DMXL1: variants seen among roughly 807,000 people sequenced by gnomAD.
DMXL1 encodes the protein dmX-like protein 1.
Under a neutral mutation model 319.2 loss-of-function variants are expected in DMXL1, and 99 were observed. That is an observed-to-expected ratio of 0.31 (90% CI 0.26 to 0.37). The LOEUF is 0.37. Among genes scored for constraint, DMXL1 ranks in the 10% least tolerant of loss-of-function variants. The pLI, the probability that DMXL1 is intolerant of heterozygous loss-of-function variation, is 1.00. For synonymous variants in DMXL1, 1,385 were observed against 1,235.2 expected (o/e 1.12, Z -2.54); for missense variants, 3,745 against 3,595.6 (o/e 1.04, Z -1.06).
At position 119,133,065 on chromosome 5, in the gene DMXL1, G is replaced by C. The variant is rs1052936337; in HGVS notation, c.1316-67G>C. 1.9e-6 allele frequency: 3 copies of C among 1,555,394 alleles called. No individual in the cohort carries two copies. The African/African-American group carries it at 4.1e-5, about 21-fold the overall frequency. ...CATGTGTTCAGCTATCCAGAAGCTC[G>C]GTAATTCTTAATTTATAGTAATAAC... On this transcript the variant is annotated intron_variant, in intron 10 of 43. Coordinates refer to ENST00000539542, the MANE Select transcript of DMXL1 (RefSeq NM_001290321.3).
At chr5:119,232,518 G>C in intron 38 of DMXL1, among the ~76,000 whole-genome samples, 1 of 152,036 alleles carries the variant, frequency 6.6e-6, no homozygotes, top group East Asian at 1.9e-4. Flanking sequence ...CCTTATATAT[G>C]TGATCTCATT....
chr5:119,166,244 C>T (rs1348257964), intron 21 of DMXL1, among the ~76,000 whole-genome samples: 1 of 152,146 alleles, frequency 6.6e-6, no homozygotes, highest in African/African-American at 2.4e-5. Context: ...TGATTCAAGG[C>T]ACATTCTTTA....
chr5:119,108,873 C>T (rs1172166041), intron 4 of DMXL1, among the ~76,000 whole-genome samples: 1 of 151,974 alleles, frequency 6.6e-6, no homozygotes, highest in East Asian at 1.9e-4. Context: ...GTGATCTCAA[C>T]TCACTGCAAC....
chr5:119,218,646 G>C (rs984737889), intron 35 of DMXL1, among the ~76,000 whole-genome samples: 1 of 151,828 alleles, frequency 6.6e-6, no homozygotes. Context: ...TAGTAGAGAC[G>C]GCGTTTCACC....
At chr5:119,231,358 A>G (rs1256187660) in intron 38 of DMXL1, among the ~76,000 whole-genome samples, 13 of 152,172 alleles carry the variant, frequency 8.5e-5, no homozygotes, top group Non-Finnish European at 2.9e-5. Context: ...CCAAAATCTT[A>G]TCTACCTGAG....
intron 1 of DMXL1, among the ~76,000 whole-genome samples, chr5:119,097,533 C>T (rs796226714): frequency 7.2e-5 from 11 of 151,972 alleles, no homozygotes; most frequent in East Asian, 1.9e-4. Flanking sequence ...CTGGCTAACA[C>T]GGTGAAACCC....
chr5:119,073,488 C>T (rs948973722), intron 1 of DMXL1, among the ~76,000 whole-genome samples: 4 of 152,214 alleles, frequency 2.6e-5, no homozygotes, highest in Middle Eastern at 6.8e-3. Context: ...TGGTGAATGT[C>T]TGTGTATTGT....
intron 37 of DMXL1, among the ~76,000 whole-genome samples, chr5:119,223,976 A>G (rs1023526378): frequency 4.6e-5 from 7 of 152,138 alleles, no homozygotes; most frequent in Admixed American, 6.5e-5. Context: ...AAAAAATATC[A>G]TTATGACCAG....
At position 119,220,557 on chromosome 5, in the gene DMXL1, C is replaced by G. The variant is rs1447440251; in HGVS notation, c.8099C>G (p.Thr2700Ser). Residue 2700 changes from threonine to serine, a missense_variant, in exon 36 of 44, where the codon ACT becomes AGT. Coordinates refer to ENST00000539542, the MANE Select transcript of DMXL1 (RefSeq NM_001290321.3). ...VSGILATQVY[T>S]WVDDDIEVET... ...GGAATTCTGGCCACACAGGTCTACACTTGGGTAGATGATGATATAGAAGTG... is the reference window on the plus strand; with the variant it reads ...GGAATTCTGGCCACACAGGTCTACAGTTGGGTAGATGATGATATAGAAGTG... 2 of 1,613,746 alleles carry G rather than the reference C, an allele frequency of 1.2e-6. No individual in the cohort carries two copies. The highest frequency in any genetic ancestry group is 1.7e-6 in the Non-Finnish European group (2 of 1,179,900).
chr5:119,200,152 C>A (rs1780435567), intron 32 of DMXL1, among the ~76,000 whole-genome samples: 1 of 152,000 alleles, frequency 6.6e-6, no homozygotes, highest in African/African-American at 2.4e-5. Context: ...TTTGCCTGTT[C>A]CTGTGTCCGG....
Position 119,144,481 on chromosome 5 carries a change from A to G in DMXL1, c.2467-55A>G, listed in dbSNP as rs569181803. 8.9e-6 allele frequency: 11 copies of G among 1,238,928 alleles called. No homozygotes were observed. The African/African-American group carries it at 1.6e-4, about 17-fold the overall frequency. 76.7% of individuals were successfully genotyped at this position (1,238,928 alleles called of 1,614,324 possible). On this transcript the variant is annotated intron_variant, in intron 14 of 43. Transcript: ENST00000539542. Reference sequence around the variant, plus strand: ...TGAAGTATTATTTTTCTGGCTATTTAGCATTAGGTAAATAACACATAGGTC... The same window carrying G: ...TGAAGTATTATTTTTCTGGCTATTTGGCATTAGGTAAATAACACATAGGTC...
chr5:119,082,751 A>G (rs1242783027), intron 1 of DMXL1, among the ~76,000 whole-genome samples: 1 of 152,242 alleles, frequency 6.6e-6, no homozygotes, highest in South Asian at 2.1e-4. Context: ...CTGTTTTGAA[A>G]TATACAATAG....
chr5:119,209,662 T>C (rs534854988), intron 34 of DMXL1, among the ~76,000 whole-genome samples: 1 of 152,336 alleles, frequency 6.6e-6, no homozygotes, highest in East Asian at 1.9e-4. Context: ...ATCACATTCT[T>C]ACCAACAGTT....
rs780709055 is a variant in DMXL1, at chr5:119,149,787, G to C, written c.3960G>C (p.Pro1320=). 1 of 1,613,880 alleles carries C rather than the reference G, an allele frequency of 6.2e-7. No individual in the cohort carries two copies. The highest frequency in any genetic ancestry group is 1.3e-5 in the African/African-American group (1 of 74,990). ...GLFEAAHVLS[P]TLPQYHPLQL... is the part of the protein sequence containing the mutation. Reference sequence around the variant, plus strand: ...TTGAAGCAGCTCATGTACTTTCCCCGACTCTACCTCAGTATCATCCCTTGC... The same window carrying C: ...TTGAAGCAGCTCATGTACTTTCCCCCACTCTACCTCAGTATCATCCCTTGC... The change falls in exon 18 of 44, where the codon CCG becomes CCC. Residue 1320 remains proline, a synonymous_variant. Transcript: ENST00000539542.
intron 1 of DMXL1, among the ~76,000 whole-genome samples, chr5:119,078,863 A>G (rs1751572766): frequency 1.3e-5 from 2 of 152,208 alleles, no homozygotes. Context: ...TTTCACCGTT[A>G]TTGCTACACA....
chr5:119,154,630 A>G (rs148975845), intron 19 of DMXL1: 1,739 of 156,332 alleles, frequency 0.011, 31 homozygotes, highest in African/African-American at 0.038. Context: ...CTACAAGTAC[A>G]AGGTGAAGCT....
At chr5:119,148,177 A>G (rs944460750) in intron 17 of DMXL1, among the ~76,000 whole-genome samples, 1 of 152,180 alleles carries the variant, frequency 6.6e-6, no homozygotes, top group African/African-American at 2.4e-5. Flanking sequence ...TGTTATGGCA[A>G]ATATACCTCA....
intron 1 of DMXL1, among the ~76,000 whole-genome samples, chr5:119,086,030 A>G (rs1753280638): frequency 6.6e-6 from 1 of 152,194 alleles, no homozygotes; most frequent in Non-Finnish European, 1.5e-5. Flanking sequence ...CTGCTGATAA[A>G]GACATACCCA....
At chr5:119,236,497 C>G (rs1248494909) in intron 39 of DMXL1, 1 of 151,926 alleles carries the variant, frequency 6.6e-6, no homozygotes, top group Non-Finnish European at 1.5e-5. Context: ...ACACACAGCA[C>G]AAGAATGATC....
Sources: gnomAD v4.1 joint callset for allele counts (sites outside exome capture counted in the v4.1 genomes callset) on GRCh38, gnomAD v4.1.1 for gene constraint, MANE v1.5 for transcripts, NCBI Gene and HGNC (gene_info 2026-07-23, HGNC 2026-07-21) for gene names.